The following ELMO2 variants were observed in gnomAD, a reference collection of about 807,000 sequenced individuals.
The protein encoded by ELMO2 is engulfment and cell motility protein 2.
Under a neutral mutation model 96.2 loss-of-function variants are expected in ELMO2, and 37 were observed. The ratio of observed to expected loss-of-function variants is 0.38; its 90% CI spans 0.30 to 0.51. The LOEUF is 0.51. ELMO2 is among the 20% of genes least tolerant of loss of function. The pLI is 0.88. For missense variants in ELMO2, 561 were observed against 912.6 expected, an observed-to-expected ratio of 0.61 and a Z score of 4.96; for synonymous variants, 315 against 329.4, an observed-to-expected ratio of 0.96 and a Z score of 0.47.
intron 7 of ELMO2, 37 bp downstream of exon 7, chr20:46,389,002 G>A (rs367819309): frequency 8.8e-6 from 14 of 1,591,500 alleles, no homozygotes; most frequent in Admixed American, 1.7e-5. Flanking sequence ...GTAGTAAATC[G>A]TCGAAGTCCT....
In ELMO2 at chr20:46,386,375, T is replaced by A. The variant is rs775808093; in HGVS notation, c.526-100A>T. ...CCCTTGAAGCTCTCTCTGCTTCACA[T>A]TTGGGCAGCTGTTGCTAGGTGGATA... On this transcript the variant is annotated intron_variant, in intron 8 of 21. Transcript: ENST00000290246. 1.0e-3 allele frequency: 1,483 copies of A among 1,488,712 alleles called. 2 individuals carry two copies. Among genetic ancestry groups the A allele is most frequent in the Non-Finnish European group, 1.3e-3 (1,425 of 1,102,454 alleles). The allele number at this position is 1,488,712 out of a possible 1,614,324, so 92.2% of individuals were successfully genotyped here. A position where few individuals can be genotyped will look rare whatever the true frequency, so the allele number is the denominator to read the frequency against.
At chr20:46,384,933 G>A (rs1255849167) in intron 9 of ELMO2, among the ~76,000 whole-genome samples, 4 of 152,078 alleles carry the variant, frequency 2.6e-5, no homozygotes, top group African/African-American at 4.8e-5. Context: ...CAGCTTGGAC[G>A]GCAGAGTGAG....
Position 46,375,120 on chromosome 20 carries a change from C to T in ELMO2, c.1065+116G>A. The T allele has an allele frequency of 7.4e-7, 1 of 1,358,462 alleles. No homozygotes were observed. Among genetic ancestry groups the T allele is most frequent in the Non-Finnish European group, 1.0e-6 (1 of 1,002,612 alleles). The allele number at this position is 1,358,462 out of a possible 1,614,324, so 84.2% of individuals were successfully genotyped here. A position where few individuals can be genotyped will look rare whatever the true frequency, so the allele number is the denominator to read the frequency against. ...CATTAAAGCTCCACCAGCTTCCTAA[C>T]TGTCATCTATTCCAGGGCCACCATG... On this transcript the variant is annotated intron_variant, in intron 13 of 21. Transcript: ENST00000290246. The surrounding 1 kb of genome is among the most constrained non-coding windows in gnomAD (Gnocchi z 4.6).
At chr20:46,368,671 T>C (rs903578204) in intron 21 of ELMO2, among the ~76,000 whole-genome samples, 8 of 140,580 alleles carry the variant, frequency 5.7e-5, no homozygotes, top group Non-Finnish European at 1.2e-4. Flanking sequence ...CATTATGTAA[T>C]GATACCTGCT....
intron 1 of ELMO2, among the ~76,000 whole-genome samples, chr20:46,400,782 G>A (rs2060322784): frequency 6.6e-6 from 1 of 152,216 alleles, no homozygotes; most frequent in African/African-American, 2.4e-5. Flanking sequence ...GTCTCCAATG[G>A]AGCAGTCTCT....
chr20:46,379,195 T>C (rs1489190508), intron 11 of ELMO2, among the ~76,000 whole-genome samples: 1 of 152,152 alleles, frequency 6.6e-6, no homozygotes, highest in East Asian at 1.9e-4. Flanking sequence ...GGTTTCACCA[T>C]GTCGGTCAGG....
chr20:46,375,400 G>A lies in ELMO2; in HGVS notation c.931-30C>T, dbSNP rs1269268978. The A allele has an allele frequency of 1.2e-6, 2 of 1,611,154 alleles. No individual in the cohort carries two copies. Among genetic ancestry groups the A allele is most frequent in the East Asian group, 2.2e-5 (1 of 44,808 alleles). ...GAGGTGAAACAGACAGTCAGCAGGT[G>A]AATCGGCTAACCAAGGGAGCAAGGA... is the stretch of plus-strand genomic sequence containing the variant. On this transcript the variant is annotated intron_variant, in intron 12 of 21. Coordinates refer to ENST00000290246, the MANE Select transcript of ELMO2 (RefSeq NM_133171.5). This position sits in a 1 kb window ranked among gnomAD's most constrained non-coding sequence, Gnocchi z 4.6.
intron 3 of ELMO2, 56 bp from the exon 4 acceptor site, chr20:46,394,145 G>C: frequency 6.6e-7 from 1 of 1,509,722 alleles, no homozygotes; most frequent in East Asian, 2.3e-5. Context: ...TCATGCCAAG[G>C]TTCTGACAAG....
At chr20:46,369,961 GGTGTGTGTGTGTGTGT>G (rs200632114) in intron 20 of ELMO2, 650 of 50,110 alleles carry the variant, frequency 0.013, 4 homozygotes, top group Admixed American at 0.032. Context: ...TGGGTATGGG[GGTGTGTGTGTGTGTGT>G]GTGTGTGTGT....
In ELMO2 at chr20:46,383,535, C is replaced by T. The variant is rs749585405; in HGVS notation, c.678-41G>A. 6 of 1,531,804 alleles carry T rather than the reference C, an allele frequency of 3.9e-6. No homozygotes were observed. The Admixed American group carries it at 5.0e-5, about 13-fold the overall frequency. 94.9% of individuals were successfully genotyped at this position (1,531,804 alleles called of 1,614,324 possible). On this transcript the variant is annotated intron_variant, in intron 9 of 21. Transcript: ENST00000290246. Reference sequence around the variant, plus strand: ...AAGAAGAGAGAGGGAGATTAGAAGACTGAACAGCAAGATGATGCTTAGAAA... The same window carrying T: ...AAGAAGAGAGAGGGAGATTAGAAGATTGAACAGCAAGATGATGCTTAGAAA...
intron 9 of ELMO2, among the ~76,000 whole-genome samples, chr20:46,384,144 A>G (rs1016762485): frequency 6.6e-6 from 1 of 152,248 alleles, no homozygotes; most frequent in Non-Finnish European, 1.5e-5. Context: ...CTGAAGGGAC[A>G]TTCAATTTAA....
At position 46,368,782 on chromosome 20, in the gene ELMO2, A is replaced by G; in HGVS notation, c.1962+109T>C. 3 of 1,152,560 alleles carry G rather than the reference A, an allele frequency of 2.6e-6. No homozygotes were observed. The South Asian group carries it at 4.0e-5, about 15-fold the overall frequency. 71.4% of individuals were successfully genotyped at this position (1,152,560 alleles called of 1,614,324 possible). A position where few individuals can be genotyped will look rare whatever the true frequency, so the allele number is the denominator to read the frequency against. On this transcript the variant is annotated intron_variant, in intron 21 of 21. Transcript: ENST00000290246. ...TCAAAGCCTTCCTAGGCTTCAATAT[A>G]CACTGCAGCCACCCACCACAGGGGA...
At chr20:46,382,164 C>T (rs1188330648) in intron 10 of ELMO2, 2 of 1,288,778 alleles carry the variant, frequency 1.6e-6, no homozygotes, top group Admixed American at 4.6e-5. Flanking sequence ...ACTTCCCCAC[C>T]TGCAAGAGCT....
At chr20:46,399,852 A>G (rs1397244461) in intron 1 of ELMO2, among the ~76,000 whole-genome samples, 1 of 152,228 alleles carries the variant, frequency 6.6e-6, no homozygotes, top group African/African-American at 2.4e-5. Flanking sequence ...CTAACTACAC[A>G]GTATTTCCAT....
chr20:46,372,298 T>C (rs76653935), intron 16 of ELMO2, among the ~76,000 whole-genome samples: 1,972 of 152,288 alleles, frequency 0.013, 56 homozygotes, highest in African/African-American at 0.045. Flanking sequence ...CATCTACTCA[T>C]CTCTAAACCG....
intron 21 of ELMO2, among the ~76,000 whole-genome samples, chr20:46,367,880 C>T (rs1419540752): frequency 1.3e-5 from 2 of 151,932 alleles, no homozygotes; most frequent in African/African-American, 2.4e-5. Flanking sequence ...AAATCAGAAG[C>T]GAGAGAAGGG....
chr20:46,376,495 C>A (rs557985887), intron 11 of ELMO2, among the ~76,000 whole-genome samples: 8 of 152,254 alleles, frequency 5.3e-5, no homozygotes, highest in African/African-American at 1.7e-4. Flanking sequence ...CTCCTTTGTC[C>A]CTCTGATGCC....
In ELMO2 at chr20:46,393,744, GA is replaced by G. The variant is rs1320232269; in HGVS notation, c.120-144del. ...AAACAAAGCTTTAGGTTGTCATGTT[GA>G]AAAAATCATGGCCTCAGCCTTTTGT... On this transcript the variant is annotated intron_variant, in intron 4 of 21. Transcript: ENST00000290246. 5.1e-6 allele frequency: 5 copies of G among 987,652 alleles called. No individual in the cohort carries two copies. In the East Asian group the frequency reaches 7.4e-5, roughly 15 times the overall value. The allele number at this position is 987,652 out of a possible 1,614,324, so 61.2% of individuals were successfully genotyped here.
chr20:46,406,457 G>A, intron 1 of ELMO2, 91 bp downstream of exon 1: 1 of 152,616 alleles, frequency 6.6e-6, no homozygotes, highest in Non-Finnish European at 1.5e-5. Context: ...TAGCCGCAAC[G>A]CTCGGCCCGG....
Sources: gnomAD v4.1 joint callset for allele counts (sites outside exome capture counted in the v4.1 genomes callset) on GRCh38, gnomAD v4.1.1 for gene constraint, Gnocchi (gnomAD v3.1) non-coding constraint, MANE v1.5 for transcripts, NCBI Gene and HGNC (gene_info 2026-07-23, HGNC 2026-07-21) for gene names.